The following ME3 variants were observed in gnomAD, a reference collection of about 807,000 sequenced individuals.
ME3 encodes the protein NADP-dependent malic enzyme, mitochondrial.
A neutral mutation model predicts 68.9 loss-of-function variants in ME3; 48 were observed. The observed-to-expected ratio is 0.70, with a 90% CI of 0.55 to 0.89. ME3 has a LOEUF of 0.89. Among genes scored for constraint, ME3 ranks in the 40% least tolerant of loss-of-function variants. The pLI is 0.00. For synonymous variants in ME3, 320 were observed against 318.8 expected (o/e 1.00, Z -0.04); for missense variants, 675 against 797.4 (o/e 0.85, Z 1.85).
At chr11:86,668,932 C>T (rs956562126) in intron 2 of ME3, among the ~76,000 whole-genome samples, 7 of 152,198 alleles carry the variant, frequency 4.6e-5, no homozygotes, top group African/African-American at 1.7e-4. Flanking sequence ...AAAAATCCAC[C>T]CACAGACATG....
intron 2 of ME3, among the ~76,000 whole-genome samples, chr11:86,602,315 C>G (rs973241309): frequency 8.4e-6 from 1 of 119,124 alleles, no homozygotes; most frequent in African/African-American, 3.1e-5. Flanking sequence ...CAATAACAGA[C>G]AAACAGAGAG....
rs1211229576 is a variant in ME3, at chr11:86,671,744, T to C, written c.183+18A>G. On this transcript the variant is annotated intron_variant, in intron 2 of 14. Coordinates refer to ENST00000543262, the Ensembl canonical transcript of ME3. ...CACGGGATCGCAACGCGGGCCGTCC[T>C]GCCCTCTGGCCCATTACCTTGTTGA... 2 of 1,598,834 alleles carry C rather than the reference T, an allele frequency of 1.3e-6. No homozygotes were observed. Among genetic ancestry groups the C allele is most frequent in the Admixed American group, 1.7e-5 (1 of 58,046 alleles).
At chr11:86,634,460 G>C (rs951503268) in intron 2 of ME3, among the ~76,000 whole-genome samples, 2 of 152,174 alleles carry the variant, frequency 1.3e-5, no homozygotes, top group Non-Finnish European at 2.9e-5. Flanking sequence ...CTCATAATCA[G>C]ATCATGAGAC....
intron 7 of ME3, among the ~76,000 whole-genome samples, chr11:86,475,147 T>C (rs970236676): frequency 2.0e-5 from 3 of 152,184 alleles, no homozygotes; most frequent in African/African-American, 7.2e-5. Context: ...TTCCCAATGT[T>C]GGAGGTGGGG....
intron 13 of ME3, 41 bp downstream of exon 13, chr11:86,446,273 G>T: frequency 6.2e-7 from 1 of 1,607,180 alleles, no homozygotes; most frequent in South Asian, 1.1e-5. Flanking sequence ...TCAACCCACA[G>T]ACCCTACTGC....
At chr11:86,520,160 T>G (rs1954168289) in intron 4 of ME3, among the ~76,000 whole-genome samples, 1 of 152,182 alleles carries the variant, frequency 6.6e-6, no homozygotes, top group African/African-American at 2.4e-5. Flanking sequence ...CCTTTCCTTC[T>G]GACCCTCCCA....
chr11:86,618,871 C>T (rs1943161911), intron 2 of ME3, among the ~76,000 whole-genome samples: 1 of 152,124 alleles, frequency 6.6e-6, no homozygotes, highest in Admixed American at 6.5e-5. Flanking sequence ...GCCACCACAC[C>T]TAGCTAATTT....
intron 4 of ME3, among the ~76,000 whole-genome samples, chr11:86,529,364 A>C (rs1955024012): frequency 6.6e-6 from 1 of 152,220 alleles, no homozygotes; most frequent in African/African-American, 2.4e-5. Flanking sequence ...GGCAATAATT[A>C]ATAGCTTACC....
intron 4 of ME3, among the ~76,000 whole-genome samples, chr11:86,514,003 C>G (rs891183525): frequency 6.6e-6 from 1 of 152,082 alleles, no homozygotes; most frequent in Admixed American, 6.5e-5. Context: ...AGGGAGGAAC[C>G]TGTAATCCCC....
intron 4 of ME3, among the ~76,000 whole-genome samples, chr11:86,547,239 CAAAA>C (rs1169843852): frequency 8.7e-5 from 4 of 45,982 alleles, no homozygotes; most frequent in Admixed American, 2.5e-4. Context: ...GACTCCATCT[CAAAA>C]AAAAAAAAAA....
rs1961488485 is a variant in ME3 at position 86,605,441 on chromosome 11, A to G, written c.184-45618T>C. Among the ~76,000 whole-genome samples, 2 of 129,580 alleles carry G rather than the reference A, an allele frequency of 1.5e-5. 1 individual carries two copies. The highest frequency in any genetic ancestry group is 5.3e-5 in the African/African-American group (2 of 37,496). 85.0% of individuals were successfully genotyped at this position (129,580 alleles called of 152,430 possible). A position where few individuals can be genotyped will look rare whatever the true frequency, so the allele number is the denominator to read the frequency against. On this transcript the variant is annotated intron_variant, in intron 2 of 14. Coordinates refer to ENST00000543262, the Ensembl canonical transcript of ME3. Reference sequence around the variant, plus strand: ...AAAGCATTTTAGAGGTGTCATATTGAAAAAATTATTCTGGTTTTAGAAGAC... The same window carrying G: ...AAAGCATTTTAGAGGTGTCATATTGGAAAAATTATTCTGGTTTTAGAAGAC...
exon 15 of ME3, chr11:86,441,365 A>T: frequency 6.2e-7 from 1 of 1,613,326 alleles, no homozygotes; most frequent in Non-Finnish European, 8.5e-7. Context: ...TAGACCAGGG[A>T]TCTTACAAAA....
At chr11:86,526,234 C>T (rs1270989804) in intron 4 of ME3, among the ~76,000 whole-genome samples, 1 of 152,232 alleles carries the variant, frequency 6.6e-6, no homozygotes, top group Non-Finnish European at 1.5e-5. Flanking sequence ...CCGTGCATGG[C>T]TCGGAGGGTC....
intron 2 of ME3, among the ~76,000 whole-genome samples, chr11:86,660,850 G>T (rs1023378366): frequency 6.6e-6 from 1 of 152,176 alleles, no homozygotes; most frequent in Admixed American, 6.5e-5. Flanking sequence ...TTAAAGAAAT[G>T]TATTTCCAAA....
downstream of ME3, among the ~76,000 whole-genome samples, chr11:86,439,078 C>G (rs561221056): frequency 6.6e-6 from 1 of 152,120 alleles, no homozygotes; most frequent in African/African-American, 2.4e-5. Context: ...TCTATTCAGG[C>G]CTTCAACTAA....
chr11:86,586,378 G>C (rs1370113901), intron 2 of ME3, among the ~76,000 whole-genome samples: 1 of 152,224 alleles, frequency 6.6e-6, no homozygotes, highest in Admixed American at 6.5e-5. Context: ...TGACCCGGCA[G>C]CATCTCTGGT....
At chr11:86,625,429 G>A (rs1244970489) in intron 2 of ME3, among the ~76,000 whole-genome samples, 8 of 152,000 alleles carry the variant, frequency 5.3e-5, no homozygotes, top group African/African-American at 1.9e-4. Context: ...TACATAATCA[G>A]GAACCTCCCA....
intron 2 of ME3, among the ~76,000 whole-genome samples, chr11:86,626,610 C>G (rs944620721): frequency 2.0e-5 from 3 of 152,170 alleles, no homozygotes; most frequent in Admixed American, 6.5e-5. Context: ...CCCTGTGATA[C>G]CTTAGAGCAG....
intron 2 of ME3, among the ~76,000 whole-genome samples, chr11:86,600,865 C>G (rs1244472269): frequency 1.3e-5 from 2 of 151,250 alleles, no homozygotes; most frequent in Admixed American, 6.6e-5. Flanking sequence ...GGGTACACAA[C>G]GAAATGAAGG....
Sources: allele counts gnomAD v4.1 joint callset (sites outside exome capture counted in the v4.1 genomes callset), GRCh38; gene constraint gnomAD v4.1.1; transcripts MANE v1.5; gene names NCBI Gene and HGNC (gene_info 2026-07-23, HGNC 2026-07-21).